TRHDE: variants seen among roughly 807,000 people sequenced by gnomAD.
TRHDE encodes the protein thyrotropin releasing hormone degrading enzyme, also known as thyrotropin-releasing hormone-degrading ectoenzyme.
Under a neutral mutation model 125.7 loss-of-function variants are expected in TRHDE, and 72 were observed. The ratio of observed to expected loss-of-function variants is 0.57; its 90% CI spans 0.47 to 0.70. The LOEUF (loss-of-function observed/expected upper bound fraction) is 0.70, where lower values mean the gene tolerates loss of function less well. Among genes scored for constraint, TRHDE ranks in the 30% least tolerant of loss-of-function variants. The probability of loss-of-function intolerance (pLI) is 0.00; values close to 1 mark genes in which losing one functional copy is unlikely to be tolerated. For missense variants in TRHDE, 1,110 were observed against 1,327.1 expected, an observed-to-expected ratio of 0.84 and a Z score of 2.54; for synonymous variants, 509 against 509.1, an observed-to-expected ratio of 1.00 and a Z score of 0.00.
At chr12:72,516,429 G>C (rs1173023758) in intron 6 of TRHDE, among the ~76,000 whole-genome samples, 1 of 152,060 alleles carries the variant, frequency 6.6e-6, no homozygotes, top group Admixed American at 6.6e-5. Flanking sequence ...ATTCACTCAT[G>C]ATTTGGCTCT....
At chr12:72,253,200 C>T (rs1369227453) in intron 2 of TRHDE, among the ~76,000 whole-genome samples, 1 of 152,058 alleles carries the variant, frequency 6.6e-6, no homozygotes. Context: ...TGGTTTTCAT[C>T]TCGATCTTAT....
chr12:72,526,386 T>C (rs560634535), intron 6 of TRHDE, among the ~76,000 whole-genome samples: 1 of 152,262 alleles, frequency 6.6e-6, no homozygotes, highest in Non-Finnish European at 1.5e-5. Context: ...TTGTCAGCTT[T>C]TGGTAGAAGA....
intron 3 of TRHDE, among the ~76,000 whole-genome samples, chr12:72,386,564 C>T (rs1872425711): frequency 6.6e-6 from 1 of 152,056 alleles, no homozygotes; most frequent in African/African-American, 2.4e-5. Context: ...TGCTATTTCT[C>T]TCAACCACAC....
At chr12:72,565,174 A>C (rs772747923) in intron 9 of TRHDE, among the ~76,000 whole-genome samples, 5 of 152,160 alleles carry the variant, frequency 3.3e-5, no homozygotes, top group Non-Finnish European at 7.4e-5. Flanking sequence ...GCCTATGTAT[A>C]TAGCCTTCCT....
intron 2 of TRHDE, among the ~76,000 whole-genome samples, chr12:72,169,316 C>T (rs563423679): frequency 1.2e-3 from 186 of 152,222 alleles, no homozygotes; most frequent in Non-Finnish European, 2.4e-3. Flanking sequence ...TTAATAACCT[C>T]CCCCAGATGT....
intron 8 of TRHDE, among the ~76,000 whole-genome samples, chr12:72,562,555 G>A (rs1253433141): frequency 6.6e-6 from 1 of 151,914 alleles, no homozygotes; most frequent in Admixed American, 6.6e-5. Context: ...ATATTTAAAT[G>A]TGACACTAGA....
intron 3 of TRHDE, among the ~76,000 whole-genome samples, chr12:72,423,487 G>A (rs141756256): frequency 1.3e-5 from 2 of 152,258 alleles, no homozygotes; most frequent in African/African-American, 4.8e-5. Context: ...CGCAGCAAGA[G>A]AAGCCTAGAA....
At chr12:72,614,057 C>T (rs891204764) in intron 12 of TRHDE, among the ~76,000 whole-genome samples, 8 of 151,794 alleles carry the variant, frequency 5.3e-5, no homozygotes. Context: ...AGGTGTCATA[C>T]ACTTTTAAAT....
rs576070531 is a variant in TRHDE at position 72,132,922 on chromosome 12, A to C, written n.279+27170A>C. 5.9e-4 allele frequency among the ~76,000 whole-genome samples: 90 copies of C among 152,298 alleles called. 1 individual carries two copies. Among genetic ancestry groups the C allele is most frequent in the African/African-American group, 2.1e-3 (87 of 41,562 alleles). The stretch of plus-strand genomic sequence containing the variant: ...GATCTTGATGAGGAGAAGTTTTCCA[A>C]GCACAGAGATAGCATGTACACAGGC... On this transcript the variant is annotated intron_variant and non_coding_transcript_variant, in intron 2 of 4. Coordinates refer to the TRHDE transcript ENST00000548156.
intron 3 of TRHDE, among the ~76,000 whole-genome samples, chr12:72,447,450 AAC>A (rs905382335): frequency 1.3e-5 from 2 of 152,150 alleles, no homozygotes; most frequent in African/African-American, 4.8e-5. Context: ...GTGCATTTCT[AAC>A]AGTCTCCTAG....
chr12:72,444,904 C>G (rs978813919), intron 3 of TRHDE, among the ~76,000 whole-genome samples: 1 of 151,800 alleles, frequency 6.6e-6, no homozygotes, highest in Non-Finnish European at 1.5e-5. Flanking sequence ...AGTACTGTAG[C>G]AGAGTAGTAA....
intron 3 of TRHDE, among the ~76,000 whole-genome samples, chr12:72,429,986 C>T (rs1874374183): frequency 6.6e-6 from 1 of 151,696 alleles, no homozygotes; most frequent in Non-Finnish European, 1.5e-5. Flanking sequence ...TGATGATATA[C>T]TTTAAAGCAC....
At chr12:72,308,225 A>G (rs1046232638) in intron 2 of TRHDE, among the ~76,000 whole-genome samples, 4 of 151,954 alleles carry the variant, frequency 2.6e-5, no homozygotes, top group Admixed American at 2.6e-4. Context: ...CCCGTAGACT[A>G]TTGGTACTTC....
intron 2 of TRHDE, among the ~76,000 whole-genome samples, chr12:72,296,584 G>A (rs1252271517): frequency 1.3e-5 from 2 of 151,942 alleles, no homozygotes; most frequent in African/African-American, 2.4e-5. Flanking sequence ...TCGGTGGTCT[G>A]CAGCCATGTG....
chr12:72,548,111 A>T (rs886909804), intron 7 of TRHDE, among the ~76,000 whole-genome samples: 4 of 151,772 alleles, frequency 2.6e-5, no homozygotes, highest in Admixed American at 2.0e-4. Context: ...GAATATATGC[A>T]GTGCAAACCC....
chr12:72,579,224 C>T (rs969518783), intron 12 of TRHDE, among the ~76,000 whole-genome samples: 17 of 151,798 alleles, frequency 1.1e-4, no homozygotes, highest in Non-Finnish European at 2.4e-4. Flanking sequence ...TCCAATTTAA[C>T]CCTCCATCAA....
intron 2 of TRHDE, chr12:72,186,630 AT>A (rs34530986): frequency 0.12 from 18,070 of 151,068 alleles, 1,865 homozygotes; most frequent in African/African-American, 0.29. Flanking sequence ...CAAGGTAAGG[AT>A]TTTTTTTTTT....
At chr12:72,320,717 T>C (rs1030624331) in intron 2 of TRHDE, among the ~76,000 whole-genome samples, 5 of 152,158 alleles carry the variant, frequency 3.3e-5, no homozygotes, top group Non-Finnish European at 5.9e-5. Flanking sequence ...TGATAAAATA[T>C]GGGTCAGCCG....
chr12:72,600,669 G>A (rs1318341382), intron 12 of TRHDE, among the ~76,000 whole-genome samples: 1 of 151,910 alleles, frequency 6.6e-6, no homozygotes, highest in African/African-American at 2.4e-5. Flanking sequence ...TGAAGCTAAT[G>A]CTCATTTACC....
Sources: allele counts gnomAD v4.1 joint callset (sites outside exome capture counted in the v4.1 genomes callset), GRCh38; gene constraint gnomAD v4.1.1; transcripts MANE v1.5; gene names NCBI Gene and HGNC (gene_info 2026-07-23, HGNC 2026-07-21).